Variants in FAM184A observed in about 807,000 individuals in gnomAD.
The protein encoded by FAM184A is family with sequence similarity 184 member A.
Under a neutral mutation model 143.8 loss-of-function variants are expected in FAM184A, and 99 were observed. That is an observed-to-expected ratio of 0.69 (90% CI 0.58 to 0.81). The LOEUF (loss-of-function observed/expected upper bound fraction) is 0.81. Among genes scored for constraint, FAM184A ranks in the 40% least tolerant of loss-of-function variants. The pLI, the probability that FAM184A is intolerant of heterozygous loss-of-function variation, is 0.00. For missense variants in FAM184A, 1,217 were observed against 1,310.5 expected, an observed-to-expected ratio of 0.93 and a Z score of 1.10; for synonymous variants, 427 against 446.4, an observed-to-expected ratio of 0.96 and a Z score of 0.55.
chr6:119,006,344 T>G lies in FAM184A; in HGVS notation c.1815+103A>C, dbSNP rs772108951. On this transcript the variant is annotated intron_variant, in intron 7 of 17. Transcript: ENST00000338891. The stretch of plus-strand genomic sequence containing the variant: ...GTTATGGTAGTTCTAAGAACTAATA[T>G]ACTAATTATATACAATGTGCTGTTT... 15 of 1,086,238 alleles carry G rather than the reference T, an allele frequency of 1.4e-5. No homozygotes were observed. The Middle Eastern group carries it at 1.1e-3, about 78-fold the overall frequency. The allele number at this position is 1,086,238 out of a possible 1,614,324, so 67.3% of individuals were successfully genotyped here.
At chr6:119,028,589 AG>A (rs1448155520) in intron 1 of FAM184A, among the ~76,000 whole-genome samples, 3 of 152,168 alleles carry the variant, frequency 2.0e-5, no homozygotes, top group African/African-American at 7.2e-5. Flanking sequence ...AGGTGCTGGG[AG>A]GGTGGCATGC....
intron 6 of FAM184A, chr6:119,009,439 G>GCT (rs764006306): frequency 1.9e-5 from 3 of 154,344 alleles, no homozygotes; most frequent in Non-Finnish European, 4.3e-5. Context: ...CTCTGCACAA[G>GCT]CTCTCTCTTT....
At chr6:119,105,305 T>C (rs895263074) in intron 1 of FAM184A, among the ~76,000 whole-genome samples, 2 of 152,102 alleles carry the variant, frequency 1.3e-5, no homozygotes, top group African/African-American at 4.8e-5. Context: ...TCCCCACGTG[T>C]TGGAGGAGGG....
chr6:119,000,570 T>C (rs564005700), intron 9 of FAM184A, among the ~76,000 whole-genome samples: 57 of 152,362 alleles, frequency 3.7e-4, no homozygotes, highest in Non-Finnish European at 6.6e-4. Context: ...CAGCCCATGA[T>C]GGCCGGCTTA....
At chr6:118,963,859 T>C (rs1275778085) in intron 16 of FAM184A, 1 of 152,016 alleles carries the variant, frequency 6.6e-6, no homozygotes, top group Non-Finnish European at 1.5e-5. Flanking sequence ...TGATGAAATT[T>C]TGCAACTGAA....
chr6:119,099,878 T>G (rs1788597160), intron 1 of FAM184A, among the ~76,000 whole-genome samples: 1 of 152,180 alleles, frequency 6.6e-6, no homozygotes, highest in Non-Finnish European at 1.5e-5. Flanking sequence ...TTGAATCCTG[T>G]GAGCGACTCT....
Position 119,044,986 on chromosome 6 carries a change from A to T in FAM184A, c.160-20173T>A, listed in dbSNP as rs148630059. Among the ~76,000 whole-genome samples the T allele has an allele frequency of 9.3e-3, 1,410 of 152,352 alleles. 24 individuals carry two copies. Among genetic ancestry groups the T allele is most frequent in the Middle Eastern group, 0.054 (16 of 294 alleles). On this transcript the variant is annotated intron_variant, in intron 1 of 17. Coordinates refer to ENST00000338891, the MANE Select transcript of FAM184A (RefSeq NM_024581.6). ...CATGCACCAAATATGTTGAGCAAGG[A>T]ACACAATTCTAGCGATCTCTTCTAA...
chr6:118,974,419 A>G lies in FAM184A; in HGVS notation c.2915+9T>C. On this transcript the variant is annotated intron_variant, in intron 14 of 17. Coordinates refer to ENST00000338891, the MANE Select transcript of FAM184A (RefSeq NM_024581.6). ...CCACATATGAATTTTCTTATATAAT[A>G]TGACTTACGACACTTGTAAAGCGGC... is the stretch of plus-strand genomic sequence containing the variant. 1.2e-6 allele frequency: 2 copies of G among 1,602,920 alleles called. No homozygotes were observed. Among genetic ancestry groups the G allele is most frequent in the South Asian group, 1.1e-5 (1 of 88,248 alleles).
chr6:119,055,908 C>A (rs1485496723), intron 1 of FAM184A, among the ~76,000 whole-genome samples: 1 of 151,702 alleles, frequency 6.6e-6, no homozygotes. Flanking sequence ...TTTTCTGGGG[C>A]CTGGCCTTTA....
intron 1 of FAM184A, chr6:119,025,742 G>A: frequency 2.5e-6 from 1 of 399,640 alleles, no homozygotes; most frequent in Non-Finnish European, 4.9e-6. Context: ...TCTTCCCCCG[G>A]AAGCGAAAAG....
intron 17 of FAM184A, chr6:118,960,663 C>T: frequency 2.2e-6 from 1 of 449,688 alleles, no homozygotes; most frequent in Non-Finnish European, 3.9e-6. Context: ...AAAGGGAGAA[C>T]ACTAAAAATA....
At chr6:118,998,888 T>C (rs1784653830) in intron 9 of FAM184A, among the ~76,000 whole-genome samples, 1 of 152,226 alleles carries the variant, frequency 6.6e-6, no homozygotes, top group South Asian at 2.1e-4. Context: ...TCACCAGGCA[T>C]CTTGAAACAG....
At chr6:119,131,816 T>G (rs1789542573) in intron 1 of FAM184A, among the ~76,000 whole-genome samples, 2 of 150,380 alleles carry the variant, frequency 1.3e-5, no homozygotes, top group African/African-American at 4.9e-5. Context: ...TACTATAACA[T>G]AAAATAAAAT....
intron 5 of FAM184A, 75 bp downstream of exon 5, chr6:119,016,672 C>T: frequency 7.6e-7 from 1 of 1,308,174 alleles, no homozygotes; most frequent in Non-Finnish European, 1.1e-6. Flanking sequence ...AGACCAAGAA[C>T]CCACCAATTC....
At chr6:119,129,365 G>GGT (rs1789464736) in intron 1 of FAM184A, among the ~76,000 whole-genome samples, 3 of 152,124 alleles carry the variant, frequency 2.0e-5, no homozygotes, top group Non-Finnish European at 4.4e-5. Context: ...AACTAACCTG[G>GGT]GCGCCTTACA....
At chr6:119,122,929 A>G (rs1789263452) in intron 1 of FAM184A, among the ~76,000 whole-genome samples, 1 of 10,070 alleles carries the variant, frequency 9.9e-5, no homozygotes, top group Admixed American at 1.7e-3. Context: ...TGTCTGAAAA[A>G]AAAAAAAAAA....
intron 1 of FAM184A, among the ~76,000 whole-genome samples, chr6:119,132,694 T>C (rs1476069740): frequency 6.6e-6 from 1 of 152,268 alleles, no homozygotes; most frequent in African/African-American, 2.4e-5. Context: ...CTCTCTTTTC[T>C]TTTGAATGAG....
At chr6:119,045,127 G>A (rs369043030) in intron 1 of FAM184A, among the ~76,000 whole-genome samples, 53 of 152,292 alleles carry the variant, frequency 3.5e-4, no homozygotes, top group African/African-American at 1.0e-3. Flanking sequence ...CAGAAGGGAA[G>A]TGAAGCCAAA....
At chr6:119,069,763 T>C (rs986918486) in intron 1 of FAM184A, among the ~76,000 whole-genome samples, 5 of 152,176 alleles carry the variant, frequency 3.3e-5, no homozygotes, top group Admixed American at 1.3e-4. Context: ...AATGTAAGTA[T>C]ACTATATGAG....
Sources: allele counts gnomAD v4.1 joint callset (sites outside exome capture counted in the v4.1 genomes callset), GRCh38; gene constraint gnomAD v4.1.1; transcripts MANE v1.5; gene names NCBI Gene and HGNC (gene_info 2026-07-23, HGNC 2026-07-21).